The following DAGLA variants were observed in gnomAD, a reference collection of about 807,000 sequenced individuals.
The protein encoded by DAGLA is diacylglycerol lipase-alpha.
A neutral mutation model predicts 102.6 loss-of-function variants in DAGLA; 22 were observed. The ratio of observed to expected loss-of-function variants is 0.21; its 90% confidence interval spans 0.15 to 0.31. The LOEUF is 0.31. Among genes scored for constraint, DAGLA ranks in the 10% least tolerant of loss-of-function variants. DAGLA has a pLI of 1.00. For missense variants in DAGLA, 927 were observed against 1,446.6 expected, an observed-to-expected ratio of 0.64 and a Z score of 5.83; for synonymous variants, 578 against 628.9, an observed-to-expected ratio of 0.92 and a Z score of 1.21.
intron 8 of DAGLA, among the ~76,000 whole-genome samples, 168 bp downstream of exon 8, chr11:61,729,176 C>T (rs968580133): frequency 2.0e-5 from 3 of 152,222 alleles, no homozygotes; most frequent in Admixed American, 6.5e-5. Context: ...ATGCCCCTCA[C>T]GAGAACCACC....
chr11:61,730,369 A>C (rs1434734714), intron 8 of DAGLA, among the ~76,000 whole-genome samples: 2 of 152,064 alleles, frequency 1.3e-5, no homozygotes, highest in Admixed American at 1.3e-4. Flanking sequence ...CCCCGCCCCC[A>C]GGGCTGCAGG....
In DAGLA at chr11:61,737,307, G is replaced by C. The variant is rs769423456; in HGVS notation, c.1497G>C (p.Pro499=). 2 of 1,611,400 alleles carry C rather than the reference G, an allele frequency of 1.2e-6. No individual in the cohort carries two copies. Among genetic ancestry groups the C allele is most frequent in the Non-Finnish European group, 8.5e-7 (1 of 1,180,006 alleles). The part of the protein sequence containing the change: ...YPTLKCFAYS[P]PGGLLSEDAM... ...CCCTCAAGTGCTTTGCCTACTCCCC[G>C]CCAGGGGGCCTGCTGAGGTGAGCCA... is the stretch of plus-strand genomic sequence containing the variant. Residue 499 remains proline, a synonymous_variant, in exon 14 of 20, where the codon CCG becomes CCC. Coordinates refer to ENST00000257215, the MANE Select transcript of DAGLA (RefSeq NM_006133.3).
At chr11:61,710,313 G>A (rs1018603081) in intron 1 of DAGLA, among the ~76,000 whole-genome samples, 1 of 151,794 alleles carries the variant, frequency 6.6e-6, no homozygotes, top group African/African-American at 2.4e-5. Context: ...CAGAGGGTGG[G>A]GCCAGTGGAA....
chr11:61,728,397 G>A, intron 7 of DAGLA, 110 bp downstream of exon 7: 1 of 1,373,644 alleles, frequency 7.3e-7, no homozygotes, highest in Non-Finnish European at 1.0e-6. Context: ...CAGCTCCCCA[G>A]TGACCACGCA....
chr11:61,693,539 G>A (rs1176476629), intron 1 of DAGLA, among the ~76,000 whole-genome samples: 2 of 152,008 alleles, frequency 1.3e-5, no homozygotes, highest in East Asian at 1.9e-4. Flanking sequence ...AGTGGAGACC[G>A]GGTTTCACCA....
At chr11:61,724,958 A>G (rs1321183562) in intron 5 of DAGLA, among the ~76,000 whole-genome samples, 1 of 151,886 alleles carries the variant, frequency 6.6e-6, no homozygotes. Context: ...CCTTGTGGCC[A>G]TTTGCCTTAT....
chr11:61,732,892 G>T (rs1326456525), intron 9 of DAGLA, among the ~76,000 whole-genome samples: 1 of 152,158 alleles, frequency 6.6e-6, no homozygotes, highest in Admixed American at 6.5e-5. Context: ...AGCACAGCGA[G>T]CCAGGCCTGC....
intron 1 of DAGLA, among the ~76,000 whole-genome samples, chr11:61,712,404 G>C (rs532473530): frequency 2.4e-4 from 37 of 152,198 alleles, no homozygotes; most frequent in Non-Finnish European, 4.4e-4. Flanking sequence ...GGGGGAGAGT[G>C]GGAAAGGCGT....
chr11:61,689,185 C>T (rs1286202885), intron 1 of DAGLA, among the ~76,000 whole-genome samples: 1 of 152,250 alleles, frequency 6.6e-6, no homozygotes, highest in African/African-American at 2.4e-5. Flanking sequence ...GACAGCTGCC[C>T]CGCTGCAGTT....
At chr11:61,740,642 C>T in intron 18 of DAGLA, 50 bp downstream of exon 18, 1 of 1,597,098 alleles carries the variant, frequency 6.3e-7, no homozygotes, top group Non-Finnish European at 8.5e-7. Context: ...CACTGTCACC[C>T]CATCAGAACC....
intron 4 of DAGLA, 85 bp downstream of exon 4, chr11:61,723,045 C>A: frequency 8.5e-7 from 1 of 1,178,858 alleles, no homozygotes; most frequent in South Asian, 1.3e-5. Flanking sequence ...GAAGCTTGGG[C>A]ATTGCCAGAG....
chr11:61,728,327 AC>A (rs2065347188), intron 7 of DAGLA, 40 bp downstream of exon 7: 1 of 1,598,596 alleles, frequency 6.3e-7, no homozygotes, highest in Non-Finnish European at 8.5e-7. Context: ...ACCTCTCCAC[AC>A]CACCCTTCTT....
chr11:61,734,683 G>T lies in DAGLA; in HGVS notation c.975-166G>T, dbSNP rs1417580846. ...TCAGTTAAGAGGAAGGCTAAGAGTGGCCAGTGGATTTGGTGACGTGGGGGT... is the reference window on the plus strand; with the variant it reads ...TCAGTTAAGAGGAAGGCTAAGAGTGTCCAGTGGATTTGGTGACGTGGGGGT... On this transcript the variant is annotated intron_variant, in intron 9 of 19. Coordinates refer to ENST00000257215, the MANE Select transcript of DAGLA (RefSeq NM_006133.3). This position sits in a 1 kb window ranked among gnomAD's most constrained non-coding sequence, Gnocchi z 4.2. 6.6e-6 allele frequency among the ~76,000 whole-genome samples: 1 copy of T among 152,210 alleles called. No homozygotes were observed. The highest frequency in any genetic ancestry group is 1.5e-5 in the Non-Finnish European group (1 of 68,024).
chr11:61,721,887 G>C (rs1369542932), intron 3 of DAGLA, among the ~76,000 whole-genome samples: 1 of 152,236 alleles, frequency 6.6e-6, no homozygotes, highest in Admixed American at 6.5e-5. Context: ...GTCGGAGCTG[G>C]GATTTGAACC....
intron 1 of DAGLA, among the ~76,000 whole-genome samples, chr11:61,695,547 C>T (rs768927406): frequency 6.6e-5 from 10 of 152,216 alleles, no homozygotes; most frequent in Non-Finnish European, 1.3e-4. Context: ...TGGCCCTGGT[C>T]TGAGCCTCCC....
chr11:61,711,378 C>G (rs2065193122), intron 1 of DAGLA, among the ~76,000 whole-genome samples: 1 of 152,200 alleles, frequency 6.6e-6, no homozygotes, highest in Non-Finnish European at 1.5e-5. Context: ...TGAATAATCT[C>G]CAAGGAAGAA....
intron 1 of DAGLA, among the ~76,000 whole-genome samples, chr11:61,719,700 G>A (rs1291436262): frequency 6.6e-6 from 1 of 152,232 alleles, no homozygotes; most frequent in Non-Finnish European, 1.5e-5. Context: ...CTTGGTCTGG[G>A]AAGCCCCTCC....
chr11:61,687,363 C>T (rs551203611), intron 1 of DAGLA, among the ~76,000 whole-genome samples: 10 of 152,130 alleles, frequency 6.6e-5, no homozygotes, highest in East Asian at 3.9e-4. Flanking sequence ...GACGGAGTCT[C>T]GCTCTGTCAC....
At chr11:61,727,371 A>G (rs1280368251) in intron 6 of DAGLA, among the ~76,000 whole-genome samples, 1 of 152,228 alleles carries the variant, frequency 6.6e-6, no homozygotes, top group Non-Finnish European at 1.5e-5. Context: ...TTAGTCACTT[A>G]CAAGTGCCAA....
Sources: gnomAD v4.1 joint callset for allele counts (sites outside exome capture counted in the v4.1 genomes callset) on GRCh38, gnomAD v4.1.1 for gene constraint, Gnocchi (gnomAD v3.1) non-coding constraint, MANE v1.5 for transcripts, NCBI Gene and HGNC (gene_info 2026-07-23, HGNC 2026-07-21) for gene names.